Variants in VPS13C observed in about 807,000 individuals in gnomAD.
The protein encoded by VPS13C is vacuolar protein sorting 13 homolog C.
In VPS13C, 358 loss-of-function variants were observed where a neutral mutation model predicts 456.8. The observed-to-expected ratio is 0.78, with a 90% CI of 0.72 to 0.86. The LOEUF is 0.86. Ranked by LOEUF, VPS13C falls within the 40% of genes least tolerant of loss-of-function variation. The pLI is 0.00. For missense variants in VPS13C, 4,818 were observed against 4,385.4 expected, an observed-to-expected ratio of 1.10 and a Z score of -2.79; for synonymous variants, 1,578 against 1,486.7, an observed-to-expected ratio of 1.06 and a Z score of -1.41.
At chr15:61,873,848 A>AT (rs1417244055) in intron 77 of VPS13C, among the ~76,000 whole-genome samples, 1 of 152,040 alleles carries the variant, frequency 6.6e-6, no homozygotes, top group Non-Finnish European at 1.5e-5. Context: ...AGAAATGAGT[A>AT]TATCAAGAGA....
At chr15:62,026,193 G>T (rs1567125094) in intron 6 of VPS13C, among the ~76,000 whole-genome samples, 1 of 151,328 alleles carries the variant, frequency 6.6e-6, no homozygotes, top group East Asian at 1.9e-4. Flanking sequence ...GTTTCTTAAA[G>T]GTAGCTGCAT....
chr15:61,950,429 G>A lies in VPS13C; in HGVS notation c.4537-12C>T, dbSNP rs767520954. The A allele has an allele frequency of 8.7e-6, 14 of 1,602,542 alleles. No homozygotes were observed. The highest frequency in any genetic ancestry group is 2.2e-5 in the East Asian group (1 of 44,634). On this transcript the variant is annotated splice_polypyrimidine_tract_variant and intron_variant, in intron 40 of 84. Coordinates refer to ENST00000644861, the MANE Select transcript of VPS13C (RefSeq NM_020821.3). ...CCATCACTGTCTGCCTACAAATAGTGGAGAATTACACCACTGAGTTTCAAA... is the reference window on the plus strand; with the variant it reads ...CCATCACTGTCTGCCTACAAATAGTAGAGAATTACACCACTGAGTTTCAAA...
At chr15:61,855,083 A>T in intron 83 of VPS13C, 129 bp from the exon 84 acceptor site, 1 of 678,770 alleles carries the variant, frequency 1.5e-6, no homozygotes, top group Non-Finnish European at 2.4e-6. Flanking sequence ...CACATATTCA[A>T]GTAAGATATG....
Position 61,979,790 on chromosome 15 carries a change from G to A in VPS13C, c.2167-1041C>T, listed in dbSNP as rs144954016. ...AATCAACAGAAGCCAAAACAAGTGCGCTCAAATCAGCTACAGACAAGGGTA... is the reference window on the plus strand; with the variant it reads ...AATCAACAGAAGCCAAAACAAGTGCACTCAAATCAGCTACAGACAAGGGTA... On this transcript the variant is annotated intron_variant, in intron 22 of 84. Coordinates refer to ENST00000644861, the MANE Select transcript of VPS13C (RefSeq NM_020821.3). Among the ~76,000 whole-genome samples the A allele has an allele frequency of 9.1e-4, 138 of 152,240 alleles. 1 individual carries two copies. Among genetic ancestry groups the A allele is most frequent in the African/African-American group, 3.0e-3 (125 of 41,544 alleles).
intron 1 of VPS13C, among the ~76,000 whole-genome samples, chr15:62,050,931 C>T (rs534634162): frequency 7.1e-4 from 105 of 148,002 alleles, no homozygotes; most frequent in Admixed American, 1.4e-3. Flanking sequence ...TTGGAGTCAT[C>T]GCAAAAAAAA....
chr15:61,950,449 T>C, intron 40 of VPS13C, 32 bp from the exon 41 acceptor site: 8 of 1,519,480 alleles, frequency 5.3e-6, no homozygotes, highest in Non-Finnish European at 7.3e-6. Context: ...ACCACTGAGT[T>C]TCAAACACTA....
At chr15:61,930,237 T>C (rs2044010585) in intron 50 of VPS13C, among the ~76,000 whole-genome samples, 1 of 152,204 alleles carries the variant, frequency 6.6e-6, no homozygotes, top group Non-Finnish European at 1.5e-5. Context: ...CAAGTGTTTA[T>C]CAAGTGTGCT....
chr15:61,857,585 T>C (rs3743297), intron 82 of VPS13C, among the ~76,000 whole-genome samples: 58,564 of 152,064 alleles, frequency 0.39, 11,785 homozygotes, highest in Non-Finnish European at 0.43. Context: ...TCACTTTTAA[T>C]GAAACAGGAA....
intron 50 of VPS13C, 147 bp from the exon 51 acceptor site, chr15:61,929,895 T>C: frequency 2.5e-6 from 2 of 803,490 alleles, no homozygotes; most frequent in Non-Finnish European, 3.8e-6. Flanking sequence ...AGAATCTAAT[T>C]TATCCATTAG....
intron 9 of VPS13C, 67 bp downstream of exon 9, chr15:62,020,412 T>C: frequency 7.2e-7 from 1 of 1,395,276 alleles, no homozygotes. Flanking sequence ...TTCTAGACAA[T>C]TTACCCTGTG....
At chr15:61,961,395 AC>A (rs1180332333) in intron 35 of VPS13C, among the ~76,000 whole-genome samples, 193 bp downstream of exon 35, 12 of 9,612 alleles carry the variant, frequency 1.2e-3, no homozygotes, top group African/African-American at 3.5e-3. Flanking sequence ...CCAACTCAAA[AC>A]ACACACACAC....
chr15:61,921,641 T>C (rs1384870483), intron 55 of VPS13C, among the ~76,000 whole-genome samples: 1 of 152,098 alleles, frequency 6.6e-6, no homozygotes, highest in Non-Finnish European at 1.5e-5. Context: ...AAAAATACAG[T>C]GAGAAGAGGA....
rs12442506 is a variant in VPS13C at position 61,882,804 on chromosome 15, C to G, written c.9484-68G>C. The stretch of plus-strand genomic sequence containing the variant: ...ACAGTAGCTATTCCATTTTTAATAT[C>G]TGTTTATTGATCAAATTGAAAAAAT... On this transcript the variant is annotated intron_variant, in intron 68 of 84. Coordinates refer to ENST00000644861, the MANE Select transcript of VPS13C (RefSeq NM_020821.3). 61,871 of 1,423,466 alleles carry G rather than the reference C, an allele frequency of 0.043. 2,943 individuals are homozygous for G. The highest frequency in any genetic ancestry group is 0.22 in the East Asian group (8,688 of 40,310). 88.2% of individuals were successfully genotyped at this position (1,423,466 alleles called of 1,614,324 possible). A position where few individuals can be genotyped will look rare whatever the true frequency, so the allele number is the denominator to read the frequency against.
intron 66 of VPS13C, among the ~76,000 whole-genome samples, chr15:61,898,314 G>C (rs2042895319): frequency 6.6e-6 from 1 of 152,018 alleles, no homozygotes. Flanking sequence ...TGGCAAATTG[G>C]ATAAAGAGTC....
intron 66 of VPS13C, chr15:61,906,645 A>G (rs2043160247): frequency 6.5e-6 from 1 of 152,854 alleles, no homozygotes; most frequent in Admixed American, 6.5e-5. Context: ...CACTATTTAA[A>G]CTCTTTCATC....
At chr15:62,059,248 T>G (rs1259172522) in intron 1 of VPS13C, among the ~76,000 whole-genome samples, 1 of 152,206 alleles carries the variant, frequency 6.6e-6, no homozygotes, top group Non-Finnish European at 1.5e-5. Context: ...AGCACTAACC[T>G]CATATCAAGT....
intron 25 of VPS13C, 104 bp from the exon 26 acceptor site, chr15:61,973,636 G>T: frequency 3.8e-6 from 3 of 799,730 alleles, no homozygotes; most frequent in South Asian, 1.5e-5. Context: ...AAGAGATATG[G>T]AAAGACACAT....
In VPS13C at chr15:61,867,519, C is replaced by T. The variant is rs1894677834; in HGVS notation, c.10863+1140G>A. 9.2e-5 allele frequency: 91 copies of T among 993,676 alleles called. No homozygotes were observed. Among genetic ancestry groups the T allele is most frequent in the Non-Finnish European group, 1.1e-4 (91 of 835,876 alleles). The allele number at this position is 993,676 out of a possible 1,614,324, so 61.6% of individuals were successfully genotyped here. On this transcript the variant is annotated intron_variant, in intron 81 of 84. Transcript: ENST00000644861. This position sits in a 1 kb window ranked among gnomAD's most constrained non-coding sequence, Gnocchi z 5.0. ...GAAACAGAAAGCTATGTAATTCCAT[C>T]ATCAAGACTCACAAACATAAACATA...
At chr15:61,898,181 G>T (rs1314766406) in intron 66 of VPS13C, among the ~76,000 whole-genome samples, 2 of 151,886 alleles carry the variant, frequency 1.3e-5, no homozygotes, top group East Asian at 3.9e-4. Context: ...AGACTAGGAA[G>T]AAACTGCATC....
Sources: gnomAD v4.1 joint callset for allele counts (sites outside exome capture counted in the v4.1 genomes callset) on GRCh38, gnomAD v4.1.1 for gene constraint, Gnocchi (gnomAD v3.1) non-coding constraint, MANE v1.5 for transcripts, NCBI Gene and HGNC (gene_info 2026-07-23, HGNC 2026-07-21) for gene names.